Variants in PTPRO observed in about 807,000 individuals in gnomAD.
PTPRO encodes the protein protein tyrosine phosphatase receptor type O.
A neutral mutation model predicts 145.2 loss-of-function variants in PTPRO; 62 were observed. That is an observed-to-expected ratio of 0.43 (90% CI 0.35 to 0.53). The LOEUF (loss-of-function observed/expected upper bound fraction) is 0.53, where lower values mean the gene tolerates loss of function less well. Among genes scored for constraint, PTPRO ranks in the 20% least tolerant of loss-of-function variants. The pLI, the probability that PTPRO is intolerant of heterozygous loss-of-function variation, is 0.01. For missense variants in PTPRO, 1,345 were observed against 1,482.7 expected (o/e 0.91, Z 1.53); for synonymous variants, 565 against 514.7 (o/e 1.10, Z -1.32).
intron 23 of PTPRO, among the ~76,000 whole-genome samples, chr12:15,585,250 T>C (rs1174073606): frequency 1.3e-5 from 2 of 152,250 alleles, no homozygotes; most frequent in African/African-American, 4.8e-5. Context: ...TCCTGAACTT[T>C]CCTGGCAACC....
intron 12 of PTPRO, among the ~76,000 whole-genome samples, chr12:15,533,929 T>C (rs541098289): frequency 1.3e-5 from 2 of 152,212 alleles, no homozygotes; most frequent in African/African-American, 4.8e-5. Flanking sequence ...TCTACCTCTA[T>C]AGAAAGAAAC....
rs1210610042 is a variant in PTPRO at position 15,515,616 on chromosome 12, T to C, written c.1583T>C (p.Ile528Thr). The C allele has an allele frequency of 5.0e-6, 8 of 1,614,058 alleles. No individual in the cohort carries two copies. The highest frequency in any genetic ancestry group is 3.3e-5 in the Admixed American group (2 of 60,024). The part of the protein sequence containing the change: ...GPPSDPVTFA[I>T]VPTGIKDLML... ...CCTTCAGATCCTGTGACATTTGCTA[T>C]TGGTAAGTTGCTAGCCACAAGAAGA... The change falls in exon 8 of 27, where the codon ATT becomes ACT. Residue 528 changes from isoleucine (I) to threonine (T), a missense_variant and splice_region_variant. By Grantham distance (89) the Ile-to-Thr change is moderately conservative. Coordinates refer to ENST00000281171, the MANE Select transcript of PTPRO (RefSeq NM_030667.3).
chr12:15,354,492 C>G (rs1937920877), intron 1 of PTPRO, among the ~76,000 whole-genome samples: 1 of 152,072 alleles, frequency 6.6e-6, no homozygotes. Flanking sequence ...TTTTTGAAAT[C>G]CATCTATAGT....
intron 16 of PTPRO, among the ~76,000 whole-genome samples, chr12:15,558,483 C>T (rs1943694725): frequency 6.6e-6 from 1 of 152,158 alleles, no homozygotes; most frequent in Non-Finnish European, 1.5e-5. Context: ...TTATACCTGA[C>T]AATGATAGAT....
At chr12:15,547,798 T>G (rs895523607) in intron 13 of PTPRO, among the ~76,000 whole-genome samples, 2 of 152,210 alleles carry the variant, frequency 1.3e-5, no homozygotes, top group African/African-American at 4.8e-5. Flanking sequence ...CTTAGAATAA[T>G]TCTTTTATAG....
rs545431785 is a variant in PTPRO at position 15,569,344 on chromosome 12, G to A, written c.2748-73G>A. ...TTTCTCCAAGAAGATTAAGAAGTAT[G>A]ATATTAAACAATATATAATACCTAT... On this transcript the variant is annotated intron_variant, in intron 18 of 26. Transcript: ENST00000281171. The A allele has an allele frequency of 5.4e-4, 669 of 1,245,474 alleles. 3 individuals carry two copies. The South Asian group carries it at 6.3e-3, about 12-fold the overall frequency. The allele number at this position is 1,245,474 out of a possible 1,614,324, so 77.2% of individuals were successfully genotyped here. A position where few individuals can be genotyped will look rare whatever the true frequency, so the allele number is the denominator to read the frequency against.
At chr12:15,375,429 G>A (rs1036868232) in intron 1 of PTPRO, among the ~76,000 whole-genome samples, 2 of 152,090 alleles carry the variant, frequency 1.3e-5, no homozygotes, top group Non-Finnish European at 2.9e-5. Flanking sequence ...AGGACAGTAT[G>A]ACAATAATTC....
intron 1 of PTPRO, among the ~76,000 whole-genome samples, chr12:15,474,050 C>T (rs1941600873): frequency 6.6e-6 from 1 of 152,126 alleles, no homozygotes; most frequent in Non-Finnish European, 1.5e-5. Context: ...TATTGCTTTG[C>T]TCTTAAGCAA....
At chr12:15,434,126 G>T (rs749392589) in intron 1 of PTPRO, among the ~76,000 whole-genome samples, 55 of 152,260 alleles carry the variant, frequency 3.6e-4, no homozygotes, top group Non-Finnish European at 1.0e-4. Context: ...CCAGTAAAAT[G>T]CCCTTTGCAG....
intron 1 of PTPRO, among the ~76,000 whole-genome samples, chr12:15,469,389 C>T (rs1235169777): frequency 6.6e-6 from 1 of 152,132 alleles, no homozygotes; most frequent in African/African-American, 2.4e-5. Flanking sequence ...TTTTTCATAA[C>T]AAATTATGCC....
intron 1 of PTPRO, among the ~76,000 whole-genome samples, chr12:15,366,964 T>C (rs1354624451): frequency 6.6e-6 from 1 of 152,150 alleles, no homozygotes; most frequent in Non-Finnish European, 1.5e-5. Flanking sequence ...GAAAGGTCAC[T>C]CATTAGTAAC....
chr12:15,380,538 T>C (rs1050360617), intron 1 of PTPRO, among the ~76,000 whole-genome samples: 3 of 152,114 alleles, frequency 2.0e-5, no homozygotes, highest in South Asian at 2.1e-4. Flanking sequence ...AATTAAATGG[T>C]ATTTGGATCA....
chr12:15,354,528 A>G (rs1937922082), intron 1 of PTPRO, among the ~76,000 whole-genome samples: 1 of 152,160 alleles, frequency 6.6e-6, no homozygotes, highest in Admixed American at 6.6e-5. Context: ...TTTTCCATGA[A>G]CTTTTCAAAG....
chr12:15,522,765 C>T (rs1298388103), intron 10 of PTPRO, among the ~76,000 whole-genome samples: 1 of 152,122 alleles, frequency 6.6e-6, no homozygotes, highest in Non-Finnish European at 1.5e-5. Flanking sequence ...TATTAATAAA[C>T]AAATAGTGAC....
chr12:15,569,359 A>G (rs1591749904), intron 18 of PTPRO, 58 bp from the exon 19 acceptor site: 8 of 1,360,286 alleles, frequency 5.9e-6, no homozygotes, highest in African/African-American at 2.9e-5. Flanking sequence ...TAAACAATAT[A>G]TAATACCTAT....
chr12:15,449,940 C>A (rs539773747), intron 1 of PTPRO, among the ~76,000 whole-genome samples: 1 of 152,296 alleles, frequency 6.6e-6, no homozygotes, highest in South Asian at 2.1e-4. Flanking sequence ...ACCTCCAAGG[C>A]TCCTTTTAAT....
intron 1 of PTPRO, among the ~76,000 whole-genome samples, chr12:15,398,291 C>A (rs1303563483): frequency 1.3e-5 from 2 of 152,136 alleles, no homozygotes; most frequent in Non-Finnish European, 2.9e-5. Context: ...TAACTCCCCA[C>A]CAATTTTTGT....
Position 15,383,692 on chromosome 12 carries a change from G to C in PTPRO, c.75+60891G>C, listed in dbSNP as rs534551992. On this transcript the variant is annotated intron_variant, in intron 1 of 26. Transcript: ENST00000281171. ...ACATGCATTGTTTTGGCCTAGAAAA[G>C]TGGGACATCTCAAAGCAAGAGCTTC... Among the ~76,000 whole-genome samples, 12 of 152,318 alleles carry C rather than the reference G, an allele frequency of 7.9e-5. No individual in the cohort carries two copies. The South Asian group carries it at 2.5e-3, about 32-fold the overall frequency.
At chr12:15,327,913 A>G (rs1051051097) in intron 1 of PTPRO, among the ~76,000 whole-genome samples, 1 of 152,068 alleles carries the variant, frequency 6.6e-6, no homozygotes, top group Non-Finnish European at 1.5e-5. Context: ...CAGGAATTCG[A>G]TACCAGCCTG....
Sources: allele counts gnomAD v4.1 joint callset (sites outside exome capture counted in the v4.1 genomes callset), GRCh38; gene constraint gnomAD v4.1.1; transcripts MANE v1.5; gene names NCBI Gene and HGNC (gene_info 2026-07-23, HGNC 2026-07-21).